Variants in ILDR2 observed in about 807,000 individuals in gnomAD.
The protein encoded by ILDR2 is immunoglobulin like domain containing receptor 2, also known as immunoglobulin-like domain-containing receptor 2.
A neutral mutation model predicts 66.8 loss-of-function variants in ILDR2; 25 were observed. The ratio of observed to expected loss-of-function variants is 0.37; its 90% CI spans 0.27 to 0.52. The LOEUF (loss-of-function observed/expected upper bound fraction) is 0.52, where lower values mean the gene tolerates loss of function less well. Among genes scored for constraint, ILDR2 ranks in the 20% least tolerant of loss-of-function variants. The pLI is 0.88. For synonymous variants in ILDR2, 367 were observed against 357.2 expected, an observed-to-expected ratio of 1.03 and a Z score of -0.31; for missense variants, 827 against 876.8, an observed-to-expected ratio of 0.94 and a Z score of 0.72.
At chr1:166,901,889 G>A (rs1459000206) in intron 2 of ILDR2, among the ~76,000 whole-genome samples, 2 of 152,158 alleles carry the variant, frequency 1.3e-5, no homozygotes, top group African/African-American at 4.8e-5. Flanking sequence ...TTCCTCCTTG[G>A]TGCCAGAGAG....
At chr1:166,964,981 T>C (rs1326074119) in intron 1 of ILDR2, among the ~76,000 whole-genome samples, 1 of 152,166 alleles carries the variant, frequency 6.6e-6, no homozygotes, top group Non-Finnish European at 1.5e-5. Context: ...ATAGCCCCAT[T>C]TTAGAGAAAC....
At chr1:166,954,918 G>T (rs1325928151) in intron 3 of ILDR2, among the ~76,000 whole-genome samples, 1 of 152,156 alleles carries the variant, frequency 6.6e-6, no homozygotes, top group Admixed American at 6.5e-5. Context: ...ATTTAAAGTG[G>T]TTTTTACCTG....
chr1:166,930,544 A>G (rs189581976), intron 6 of ILDR2, among the ~76,000 whole-genome samples: 1 of 152,352 alleles, frequency 6.6e-6, no homozygotes. Flanking sequence ...ATGATAAGCT[A>G]CAAGTTCAAA....
chr1:166,956,922 G>T, intron 2 of ILDR2, 70 bp from the exon 3 acceptor site: 1 of 1,531,148 alleles, frequency 6.5e-7, no homozygotes, highest in Non-Finnish European at 8.9e-7. Context: ...AAACAATGGG[G>T]GTTGGGAAGG....
At chr1:166,902,048 T>C (rs746686932) in intron 2 of ILDR2, among the ~76,000 whole-genome samples, 4 of 152,182 alleles carry the variant, frequency 2.6e-5, no homozygotes, top group South Asian at 2.1e-4. Flanking sequence ...TTAGTAGATA[T>C]GAGGTTTCTC....
At chr1:166,971,616 T>C (rs754667013) in intron 1 of ILDR2, among the ~76,000 whole-genome samples, 1 of 152,180 alleles carries the variant, frequency 6.6e-6, no homozygotes. Flanking sequence ...CAAGCCATCG[T>C]GCCCGGCTAA....
chr1:166,929,230 A>G (rs1487728389), intron 6 of ILDR2, among the ~76,000 whole-genome samples: 1 of 152,266 alleles, frequency 6.6e-6, no homozygotes, highest in Non-Finnish European at 1.5e-5. Context: ...TGAGAGGACA[A>G]CTAAGACCAA....
At position 166,916,794 on chromosome 1, in the gene ILDR2, TTTG is replaced by T. The variant is rs1472820456; in HGVS notation, c.*2558_*2560del. ...TTGTACTTTTCAGTCTATCTGTAGT[TTTG>T]TTGTCTTTGGAATTGCAGGTTTCCA... On this transcript the variant is annotated 3_prime_UTR_variant, in exon 10 of 10. Transcript: ENST00000271417. The T allele has an allele frequency of 6.6e-6, 1 of 152,240 alleles. No homozygotes were observed. Among genetic ancestry groups the T allele is most frequent in the Non-Finnish European group, 1.5e-5 (1 of 68,030 alleles). 9.4% of individuals were successfully genotyped at this position (152,240 alleles called of 1,614,324 possible). A position where few individuals can be genotyped will look rare whatever the true frequency, so the allele number is the denominator to read the frequency against.
chr1:166,920,363 G>C (rs1482271585), intron 9 of ILDR2, among the ~76,000 whole-genome samples: 3 of 152,170 alleles, frequency 2.0e-5, no homozygotes, highest in African/African-American at 4.8e-5. Flanking sequence ...ACTAAAGGCC[G>C]GTGGTGGTGA....
Position 166,962,439 on chromosome 1 carries a change from G to A in ILDR2, c.47-4338C>T, listed in dbSNP as rs141497411. Among the ~76,000 whole-genome samples, 953 of 152,254 alleles carry A rather than the reference G, an allele frequency of 6.3e-3. 9 individuals carry two copies. The highest frequency in any genetic ancestry group is 0.022 in the African/African-American group (901 of 41,534). ...CTAATACCAGCCCCTTCTCCTGAGGGTTGGGTATTGTTTCCTATACCTTCA... is the reference window on the plus strand; with the variant it reads ...CTAATACCAGCCCCTTCTCCTGAGGATTGGGTATTGTTTCCTATACCTTCA... On this transcript the variant is annotated intron_variant, in intron 1 of 9. Coordinates refer to ENST00000271417, the MANE Select transcript of ILDR2 (RefSeq NM_199351.3).
chr1:166,945,265 T>A (rs1350527013), intron 3 of ILDR2, among the ~76,000 whole-genome samples: 1 of 152,144 alleles, frequency 6.6e-6, no homozygotes, highest in African/African-American at 2.4e-5. Context: ...AGCACCACCC[T>A]ATCCCACACC....
intron 1 of ILDR2, among the ~76,000 whole-genome samples, chr1:166,964,139 TAAA>T (rs71073632): frequency 7.0e-6 from 1 of 142,060 alleles, no homozygotes; most frequent in South Asian, 2.3e-4. Context: ...AATCTAAAAA[TAAA>T]AAAAAAAAAA....
intron 6 of ILDR2, among the ~76,000 whole-genome samples, chr1:166,929,369 G>A (rs1660496942): frequency 6.6e-6 from 1 of 152,130 alleles, no homozygotes; most frequent in Non-Finnish European, 1.5e-5. Context: ...AAATCATTCA[G>A]TTTGAATTTT....
At position 166,927,180 on chromosome 1, in the gene ILDR2, A is replaced by G; in HGVS notation, c.881T>C (p.Val294Ala). Reference protein sequence around the residue: ...PSDSTGGSHSVRKGYRIQADK... With the variant: ...PSDSTGGSHSARKGYRIQADK... The stretch of plus-strand genomic sequence containing the variant: ...AGCCTGGATCCGGTAACCTTTGCGA[A>G]CTGTTGAGAAAAGCACAAGAAGGTG... Residue 294 changes from valine (V) to alanine (A), a missense_variant and splice_region_variant, in exon 7 of 10, where the codon GTT (valine) becomes GCT (alanine). This residue lies in a region of ILDR2 where 437 missense variants were observed against 523.2 expected (regional missense o/e 0.84). Coordinates refer to ENST00000271417, the MANE Select transcript of ILDR2 (RefSeq NM_199351.3). 6.2e-7 allele frequency: 1 copy of G among 1,608,066 alleles called. No individual in the cohort carries two copies. The highest frequency in any genetic ancestry group is 8.5e-7 in the Non-Finnish European group (1 of 1,175,372).
rs1426692699 is a variant in ILDR2 at position 166,913,027 on chromosome 1, C to T, written c.*6328G>A. On this transcript the variant is annotated 3_prime_UTR_variant, in exon 10 of 10. Transcript: ENST00000271417. ...CTTATTACAATCTGTAAAAGCATACCTTTTGCTCTGTCAGTACCAGCCCCC... is the reference window on the plus strand; with the variant it reads ...CTTATTACAATCTGTAAAAGCATACTTTTTGCTCTGTCAGTACCAGCCCCC... The T allele has an allele frequency of 6.6e-6, 1 of 152,202 alleles. No homozygotes were observed. The highest frequency in any genetic ancestry group is 1.9e-4 in the East Asian group (1 of 5,198). The allele number at this position is 152,202 out of a possible 1,614,324, so 9.4% of individuals were successfully genotyped here. A position where few individuals can be genotyped will look rare whatever the true frequency, so the allele number is the denominator to read the frequency against.
intron 6 of ILDR2, chr1:166,933,346 G>A (rs1422446993): frequency 6.5e-6 from 1 of 152,882 alleles, no homozygotes; most frequent in African/African-American, 2.4e-5. Flanking sequence ...TTAATTACCT[G>A]GAACTATGCA....
intron 3 of ILDR2, among the ~76,000 whole-genome samples, chr1:166,946,768 T>C (rs1571165456): frequency 6.6e-6 from 1 of 152,338 alleles, no homozygotes; most frequent in Non-Finnish European, 1.5e-5. Flanking sequence ...TTTGCTTATC[T>C]TTCATCTAGA....
At chr1:166,965,874 G>T (rs1007561875) in intron 1 of ILDR2, among the ~76,000 whole-genome samples, 1 of 151,896 alleles carries the variant, frequency 6.6e-6, no homozygotes, top group Non-Finnish European at 1.5e-5. Flanking sequence ...TACTTTTTAG[G>T]AACAACCAAT....
At chr1:166,896,244 G>C (rs1345681829) in intron 2 of ILDR2, 1 of 152,874 alleles carries the variant, frequency 6.5e-6, no homozygotes, top group Non-Finnish European at 1.5e-5. Flanking sequence ...AGGTGTAGAA[G>C]TGAGAAATAG....
Sources: gnomAD v4.1 joint callset for allele counts (sites outside exome capture counted in the v4.1 genomes callset) on GRCh38, gnomAD v4.1.1 for gene constraint, gnomAD v4.1.1 regional missense constraint, MANE v1.5 for transcripts, NCBI Gene and HGNC (gene_info 2026-07-23, HGNC 2026-07-21) for gene names.